Variants in BNC2 observed in about 807,000 individuals in gnomAD.
The protein encoded by BNC2 is zinc finger protein basonuclin-2.
BNC2 carries 20 observed loss-of-function variants against 76.3 expected under a neutral mutation model. The observed-to-expected ratio is 0.26, with a 90% CI of 0.18 to 0.38. The LOEUF (loss-of-function observed/expected upper bound fraction) is 0.38, where lower values mean the gene tolerates loss of function less well. Ranked by LOEUF, BNC2 falls within the 10% of genes least tolerant of loss-of-function variation. The probability of loss-of-function intolerance (pLI) is 1.00; values close to 1 mark genes in which losing one functional copy is unlikely to be tolerated. For synonymous variants in BNC2, 582 were observed against 514.8 expected (o/e 1.13, Z -1.77); for missense variants, 1,382 against 1,399.8 (o/e 0.99, Z 0.20).
At chr9:16,514,376 A>G (rs1822829833) in intron 5 of BNC2, among the ~76,000 whole-genome samples, 1 of 152,220 alleles carries the variant, frequency 6.6e-6, no homozygotes, top group Non-Finnish European at 1.5e-5. Flanking sequence ...CACTGGGAGG[A>G]CAACAAAAGG....
intron 1 of BNC2, among the ~76,000 whole-genome samples, chr9:16,844,208 A>C (rs1291513982): frequency 6.6e-6 from 1 of 151,966 alleles, no homozygotes; most frequent in Admixed American, 6.6e-5. Context: ...TTTAAGTGCT[A>C]GTTTACCAAA....
intron 1 of BNC2, among the ~76,000 whole-genome samples, chr9:16,855,925 T>C (rs1443764032): frequency 6.6e-6 from 1 of 152,122 alleles, no homozygotes; most frequent in Non-Finnish European, 1.5e-5. Context: ...AGTTATTCCA[T>C]ATATAGTAAG....
At chr9:16,796,014 AT>A (rs978386372) in intron 1 of BNC2, among the ~76,000 whole-genome samples, 2 of 152,208 alleles carry the variant, frequency 1.3e-5, no homozygotes, top group African/African-American at 4.8e-5. Context: ...CAGAGAGACA[AT>A]TTACGCAGTC....
chr9:16,424,053 C>T (rs1820758238), intron 6 of BNC2, among the ~76,000 whole-genome samples: 1 of 152,024 alleles, frequency 6.6e-6, no homozygotes, highest in Non-Finnish European at 1.5e-5. Flanking sequence ...ACCATGCAAC[C>T]ACAGAAGACA....
intron 4 of BNC2, among the ~76,000 whole-genome samples, chr9:16,558,266 G>C (rs1431420100): frequency 6.6e-6 from 1 of 152,226 alleles, no homozygotes; most frequent in Non-Finnish European, 1.5e-5. Context: ...AGTCTGGACA[G>C]TGCAATTGAA....
In BNC2 at chr9:16,437,514, C is replaced by T. The variant is rs1368467597; in HGVS notation, c.680G>A (p.Gly227Asp). Residue 227 changes from glycine (G) to aspartate (D), a missense_variant, in exon 6 of 7, where the codon GGC becomes GAC. This residue lies in a region of BNC2 where 557 missense variants were observed against 540.9 expected (regional missense o/e 1.03). Coordinates refer to ENST00000380672, the MANE Select transcript of BNC2 (RefSeq NM_017637.6). ...VRGYILQDAAGKVLDRWAIMS... is the reference protein window; with the variant it reads ...VRGYILQDAADKVLDRWAIMS... Reference sequence around the variant, plus strand: ...GATGGCCCAGCGGTCCAGCACCTTGCCAGCAGCATCCTAGAGGCCACATCA... The same window carrying T: ...GATGGCCCAGCGGTCCAGCACCTTGTCAGCAGCATCCTAGAGGCCACATCA... 3.1e-6 allele frequency: 5 copies of T among 1,612,246 alleles called. No individual in the cohort carries two copies. The highest frequency in any genetic ancestry group is 4.2e-6 in the Non-Finnish European group (5 of 1,179,966).
rs114354197 is a variant in BNC2, at chr9:16,666,362, T to C, written c.330+61435A>G. ...CGCTGCAAATGTTCTCTCCTATAAC[T>C]CTATATAGAAATTTTATTTGGTTTT... is the stretch of plus-strand genomic sequence containing the variant. On this transcript the variant is annotated intron_variant, in intron 3 of 6. Coordinates refer to ENST00000380672, the MANE Select transcript of BNC2 (RefSeq NM_017637.6). Among the ~76,000 whole-genome samples the C allele has an allele frequency of 1.5e-3, 233 of 152,292 alleles. 2 individuals are homozygous for C. The highest frequency in any genetic ancestry group is 5.1e-3 in the African/African-American group (214 of 41,574).
At chr9:16,839,791 T>C (rs967512047) in intron 1 of BNC2, among the ~76,000 whole-genome samples, 4 of 152,302 alleles carry the variant, frequency 2.6e-5, no homozygotes, top group Admixed American at 6.5e-5. Context: ...TTCCAATATA[T>C]AGACTGAATT....
At chr9:16,532,058 A>T (rs184558413) in intron 5 of BNC2, among the ~76,000 whole-genome samples, 1 of 151,780 alleles carries the variant, frequency 6.6e-6, no homozygotes, top group Non-Finnish European at 1.5e-5. Flanking sequence ...TTTTGGTAAC[A>T]ACACAGCTAC....
At chr9:16,479,946 G>C (rs1822011270) in intron 5 of BNC2, among the ~76,000 whole-genome samples, 1 of 152,236 alleles carries the variant, frequency 6.6e-6, no homozygotes, top group Non-Finnish European at 1.5e-5. Flanking sequence ...CAAGCTACTT[G>C]TGGTCCCCCA....
At chr9:16,779,295 C>T (rs1285972324) in intron 1 of BNC2, among the ~76,000 whole-genome samples, 2 of 92,572 alleles carry the variant, frequency 2.2e-5, no homozygotes, top group Non-Finnish European at 4.5e-5. Flanking sequence ...CAGAGAGACC[C>T]TCTCTCAAAA....
chr9:16,833,232 G>C (rs904391877), intron 1 of BNC2, among the ~76,000 whole-genome samples: 23 of 152,278 alleles, frequency 1.5e-4, no homozygotes, highest in African/African-American at 5.5e-4. Flanking sequence ...CGATGAATAA[G>C]ATCTTCTCTT....
At chr9:16,696,510 T>C (rs1416268207) in intron 3 of BNC2, among the ~76,000 whole-genome samples, 2 of 152,174 alleles carry the variant, frequency 1.3e-5, no homozygotes, top group Non-Finnish European at 1.5e-5. Flanking sequence ...AGGGATCTCA[T>C]CGTCCCAAGT....
At chr9:16,868,926 T>C (rs1042352858) in intron 1 of BNC2, among the ~76,000 whole-genome samples, 4 of 152,182 alleles carry the variant, frequency 2.6e-5, no homozygotes, top group African/African-American at 4.8e-5. Context: ...ATTTAAAGCA[T>C]GTATGCGTGT....
At chr9:16,493,691 T>TA (rs1235484491) in intron 5 of BNC2, among the ~76,000 whole-genome samples, 1 of 152,166 alleles carries the variant, frequency 6.6e-6, no homozygotes, top group Non-Finnish European at 1.5e-5. Flanking sequence ...AGGATAAAAG[T>TA]AAGGCATTCA....
At chr9:16,787,439 A>G (rs868003152) in intron 1 of BNC2, among the ~76,000 whole-genome samples, 1 of 152,218 alleles carries the variant, frequency 6.6e-6, no homozygotes, top group Admixed American at 6.5e-5. Flanking sequence ...CTGAGTTTAA[A>G]TCCCAGCTCT....
intron 1 of BNC2, among the ~76,000 whole-genome samples, chr9:16,822,928 A>G (rs1184187568): frequency 2.6e-5 from 4 of 152,188 alleles, no homozygotes; most frequent in Non-Finnish European, 4.4e-5. Flanking sequence ...ATTGAACTTA[A>G]TATTATTTAG....
intron 3 of BNC2, among the ~76,000 whole-genome samples, chr9:16,589,968 T>G (rs1234839514): frequency 1.3e-5 from 2 of 152,130 alleles, no homozygotes; most frequent in Admixed American, 6.5e-5. Flanking sequence ...GTCATTAACA[T>G]AAGCAGCCAC....
intron 5 of BNC2, among the ~76,000 whole-genome samples, chr9:16,498,021 GTATTCCACCATA>G (rs1472028366): frequency 7.0e-6 from 1 of 143,032 alleles, no homozygotes; most frequent in Non-Finnish European, 1.5e-5. Context: ...GTGTGTGTAT[GTATTCCACCATA>G]TATATATTCC....
Sources: gnomAD v4.1 joint callset for allele counts (sites outside exome capture counted in the v4.1 genomes callset) on GRCh38, gnomAD v4.1.1 for gene constraint, gnomAD v4.1.1 regional missense constraint, MANE v1.5 for transcripts, NCBI Gene and HGNC (gene_info 2026-07-23, HGNC 2026-07-21) for gene names.